SEC24D: variants seen among roughly 807,000 people sequenced by gnomAD.
SEC24D encodes the protein SEC24 homolog D, COPII component.
In SEC24D, 69 loss-of-function variants were observed where a neutral mutation model predicts 116.9. That is an observed-to-expected ratio of 0.59 (90% CI 0.49 to 0.72). The LOEUF (loss-of-function observed/expected upper bound fraction) is 0.72, where lower values mean the gene tolerates loss of function less well. Among genes scored for constraint, SEC24D ranks in the 30% least tolerant of loss-of-function variants. SEC24D has a pLI of 0.00. For synonymous variants in SEC24D, 405 were observed against 442.8 expected, an observed-to-expected ratio of 0.91 and a Z score of 1.07; for missense variants, 1,131 against 1,264.1, an observed-to-expected ratio of 0.89 and a Z score of 1.60.
chr4:118,750,066 C>A (rs1208352128), intron 13 of SEC24D, among the ~76,000 whole-genome samples: 1 of 152,052 alleles, frequency 6.6e-6, no homozygotes, highest in African/African-American at 2.4e-5. Context: ...ATTACTATAA[C>A]AATAAAATTG....
chr4:118,817,470 C>T, intron 3 of SEC24D, 58 bp from the exon 4 acceptor site: 2 of 1,458,964 alleles, frequency 1.4e-6, no homozygotes, highest in Non-Finnish European at 9.3e-7. Context: ...AAATGGCGTA[C>T]AATAATGTTA....
At chr4:118,775,222 CT>C (rs1370876147) in intron 8 of SEC24D, among the ~76,000 whole-genome samples, 4 of 151,900 alleles carry the variant, frequency 2.6e-5, no homozygotes, top group African/African-American at 9.7e-5. Flanking sequence ...ACTGTAGTAT[CT>C]CCTGTAGCAC....
intron 9 of SEC24D, among the ~76,000 whole-genome samples, chr4:118,767,925 T>A (rs1253854379): frequency 6.6e-6 from 1 of 152,226 alleles, no homozygotes; most frequent in East Asian, 1.9e-4. Flanking sequence ...AATAAAATTT[T>A]TCCCCCTACA....
At chr4:118,761,192 G>C (rs1367556806) in intron 10 of SEC24D, among the ~76,000 whole-genome samples, 2 of 152,046 alleles carry the variant, frequency 1.3e-5, no homozygotes, top group Non-Finnish European at 2.9e-5. Flanking sequence ...TTCCTTCTCT[G>C]AGAACAGGAA....
chr4:118,810,043 G>A (rs1010000631), intron 6 of SEC24D, among the ~76,000 whole-genome samples: 4 of 148,878 alleles, frequency 2.7e-5, no homozygotes, highest in Middle Eastern at 7.2e-3. Flanking sequence ...AGTGGGTGGA[G>A]AAGAGTGGTA....
chr4:118,804,664 T>A (rs746438336), intron 7 of SEC24D, among the ~76,000 whole-genome samples: 2 of 152,062 alleles, frequency 1.3e-5, no homozygotes, highest in Non-Finnish European at 2.9e-5. Context: ...TGAACTCATC[T>A]AACTAGTTGG....
chr4:118,733,805 C>A (rs766855223), intron 19 of SEC24D, among the ~76,000 whole-genome samples: 1 of 151,852 alleles, frequency 6.6e-6, no homozygotes, highest in Non-Finnish European at 1.5e-5. Context: ...TCATTTATTT[C>A]TTTACCCTCA....
At position 118,764,936 on chromosome 4, in the gene SEC24D, G is replaced by C. The variant is rs1193158739; in HGVS notation, c.1181-19C>G. 1.5e-6 allele frequency: 2 copies of C among 1,330,416 alleles called. No individual in the cohort carries two copies. Among genetic ancestry groups the C allele is most frequent in the East Asian group, 4.6e-5 (2 of 43,372 alleles). 82.4% of individuals were successfully genotyped at this position (1,330,416 alleles called of 1,614,324 possible). A position where few individuals can be genotyped will look rare whatever the true frequency, so the allele number is the denominator to read the frequency against. ...GGTGGAACTAATAAAAACAAAATAG[G>C]AAAGAAAATATTTTGTTTTCATAAA... On this transcript the variant is annotated intron_variant, in intron 9 of 22. Coordinates refer to ENST00000280551, the MANE Select transcript of SEC24D (RefSeq NM_014822.4).
chr4:118,786,795 G>A (rs1366319250), intron 8 of SEC24D, among the ~76,000 whole-genome samples: 1 of 152,128 alleles, frequency 6.6e-6, no homozygotes, highest in Non-Finnish European at 1.5e-5. Context: ...CCTCAATCTA[G>A]TGATTGAGGC....
intron 13 of SEC24D, among the ~76,000 whole-genome samples, chr4:118,748,047 C>G (rs1726628311): frequency 6.6e-6 from 1 of 152,110 alleles, no homozygotes; most frequent in African/African-American, 2.4e-5. Flanking sequence ...TGGCAGATCA[C>G]AAGGTCAGGA....
At chr4:118,748,377 A>G (rs751797162) in intron 13 of SEC24D, among the ~76,000 whole-genome samples, 4 of 152,174 alleles carry the variant, frequency 2.6e-5, no homozygotes, top group Non-Finnish European at 2.9e-5. Flanking sequence ...TTCCTTATAA[A>G]ATGGTTAATT....
intron 8 of SEC24D, among the ~76,000 whole-genome samples, chr4:118,795,497 C>T (rs1316328156): frequency 6.6e-6 from 1 of 152,154 alleles, no homozygotes; most frequent in Non-Finnish European, 1.5e-5. Context: ...GTGTGAGCCA[C>T]CGTGCCCAGC....
chr4:118,813,666 C>T (rs1308554515), intron 6 of SEC24D, among the ~76,000 whole-genome samples: 1 of 152,212 alleles, frequency 6.6e-6, no homozygotes, highest in Non-Finnish European at 1.5e-5. Context: ...CTCAACACTG[C>T]CACACTGGAG....
At chr4:118,805,733 A>G in intron 7 of SEC24D, 110 bp downstream of exon 7, 1 of 594,762 alleles carries the variant, frequency 1.7e-6, no homozygotes, top group Non-Finnish European at 2.8e-6. Flanking sequence ...TATCAGCTAT[A>G]ATGGGGTTTT....
chr4:118,805,780 T>C (rs961327878), intron 7 of SEC24D, 63 bp downstream of exon 7: 2 of 958,458 alleles, frequency 2.1e-6, no homozygotes, highest in South Asian at 1.7e-5. Flanking sequence ...TGTCAGTGTA[T>C]TTGCTTTAAA....
intron 13 of SEC24D, 85 bp from the exon 14 acceptor site, chr4:118,745,145 T>C: frequency 1.3e-6 from 1 of 767,866 alleles, no homozygotes; most frequent in Non-Finnish European, 2.2e-6. Flanking sequence ...AAATATAAGT[T>C]CTTTCTATGA....
intron 7 of SEC24D, among the ~76,000 whole-genome samples, chr4:118,804,568 T>C (rs1729586314): frequency 2.0e-5 from 3 of 151,754 alleles, no homozygotes; most frequent in African/African-American, 7.3e-5. Context: ...TGCCACCTTT[T>C]ATAGGTCACA....
chr4:118,780,838 T>G (rs1046526210), intron 8 of SEC24D, among the ~76,000 whole-genome samples: 1 of 151,866 alleles, frequency 6.6e-6, no homozygotes, highest in Non-Finnish European at 1.5e-5. Context: ...CATTATGCAA[T>G]GGCCTTGTCC....
chr4:118,768,393 ACT>A lies in SEC24D; in HGVS notation c.1042-84_1042-83del. 5.6e-6 allele frequency: 4 copies of A among 711,026 alleles called. No individual in the cohort carries two copies. The South Asian group carries it at 1.1e-4, about 20-fold the overall frequency. The allele number at this position is 711,026 out of a possible 1,614,324, so 44.0% of individuals were successfully genotyped here. A position where few individuals can be genotyped will look rare whatever the true frequency, so the allele number is the denominator to read the frequency against. ...ATAATTTGGGAAGTCTTTTAATGGC[ACT>A]TTTTTTTTTTTTTTTTTGAGACAGA... On this transcript the variant is annotated intron_variant, in intron 8 of 22. Coordinates refer to ENST00000280551, the MANE Select transcript of SEC24D (RefSeq NM_014822.4).
Sources: gnomAD v4.1 joint callset for allele counts (sites outside exome capture counted in the v4.1 genomes callset) on GRCh38, gnomAD v4.1.1 for gene constraint, MANE v1.5 for transcripts, NCBI Gene and HGNC (gene_info 2026-07-23, HGNC 2026-07-21) for gene names.